MICU1: variants seen among roughly 807,000 people sequenced by gnomAD.
MICU1 encodes calcium uptake protein 1, mitochondrial.
Under a neutral mutation model 56.8 loss-of-function variants are expected in MICU1, and 45 were observed. The observed-to-expected ratio is 0.79, with a 90% CI of 0.62 to 1.02. The LOEUF (loss-of-function observed/expected upper bound fraction) is 1.02. Among genes scored for constraint, MICU1 ranks in the 50% least tolerant of loss-of-function variants. MICU1 has a pLI of 0.00. For synonymous variants in MICU1, 186 were observed against 195.1 expected, an observed-to-expected ratio of 0.95 and a Z score of 0.39; for missense variants, 504 against 587.1, an observed-to-expected ratio of 0.86 and a Z score of 1.46.
At chr10:72,415,038 CAG>C (rs1863940179) in intron 9 of MICU1, among the ~76,000 whole-genome samples, 1 of 127,924 alleles carries the variant, frequency 7.8e-6, no homozygotes, top group Admixed American at 9.0e-5. Context: ...TTTTTTGAGA[CAG>C]AGTCTCACTC....
At chr10:72,587,720 G>A (rs540742090) in intron 1 of MICU1, among the ~76,000 whole-genome samples, 1 of 151,984 alleles carries the variant, frequency 6.6e-6, no homozygotes, top group Non-Finnish European at 1.5e-5. Flanking sequence ...GGAGGCGGAG[G>A]TTGCAGTGAG....
intron 10 of MICU1, chr10:72,392,161 T>G (rs992417615): frequency 1.3e-5 from 2 of 152,204 alleles, no homozygotes; most frequent in African/African-American, 4.8e-5. Flanking sequence ...CATATGGGAC[T>G]TGAGCACCCA....
chr10:72,575,603 T>C (rs1157683631), intron 1 of MICU1, among the ~76,000 whole-genome samples: 1 of 152,202 alleles, frequency 6.6e-6, no homozygotes, highest in East Asian at 1.9e-4. Context: ...TTGGTAATTC[T>C]TGCAATATTT....
chr10:72,434,397 A>T (rs1431120005), intron 8 of MICU1, among the ~76,000 whole-genome samples: 5 of 152,136 alleles, frequency 3.3e-5, no homozygotes, highest in African/African-American at 1.2e-4. Flanking sequence ...TTAATATTCC[A>T]ACCAATCTAT....
At chr10:72,569,221 A>ATT (rs1840530007) in intron 1 of MICU1, among the ~76,000 whole-genome samples, 2 of 38,504 alleles carry the variant, frequency 5.2e-5, no homozygotes, top group South Asian at 8.4e-4. Context: ...ATATATATAT[A>ATT]TATATATATA....
At chr10:72,549,072 T>G (rs1417103810) in intron 4 of MICU1, among the ~76,000 whole-genome samples, 8 of 152,186 alleles carry the variant, frequency 5.3e-5, no homozygotes, top group African/African-American at 1.9e-4. Context: ...TTATTTGACC[T>G]AGAGATATGT....
At chr10:72,445,086 C>G (rs1865066109) in intron 8 of MICU1, among the ~76,000 whole-genome samples, 1 of 151,962 alleles carries the variant, frequency 6.6e-6, no homozygotes, top group Admixed American at 6.6e-5. Context: ...ATAAAGTTCT[C>G]AATAATATTC....
intron 3 of MICU1, among the ~76,000 whole-genome samples, chr10:72,556,348 T>C (rs1840158505): frequency 6.6e-6 from 1 of 152,180 alleles, no homozygotes; most frequent in South Asian, 2.1e-4. Flanking sequence ...ACATTCTTTT[T>C]TTTTCTTTTG....
chr10:72,407,872 A>C, intron 10 of MICU1, 57 bp downstream of exon 10: 34 of 1,141,690 alleles, frequency 3.0e-5, no homozygotes, highest in African/African-American at 4.6e-5. Flanking sequence ...CAGTCACCTA[A>C]GAGATTACAG....
At chr10:72,395,622 G>A (rs1035759539) in intron 10 of MICU1, among the ~76,000 whole-genome samples, 4 of 152,226 alleles carry the variant, frequency 2.6e-5, no homozygotes, top group African/African-American at 7.2e-5. Flanking sequence ...TAGGCAAGGT[G>A]ATTCTCTCCT....
intron 5 of MICU1, among the ~76,000 whole-genome samples, chr10:72,513,262 C>T (rs1867540633): frequency 6.6e-6 from 1 of 152,196 alleles, no homozygotes; most frequent in South Asian, 2.1e-4. Context: ...ATGGATATGA[C>T]ATGGTATCTC....
chr10:72,567,355 T>C (rs1840466983), intron 1 of MICU1, among the ~76,000 whole-genome samples: 1 of 151,858 alleles, frequency 6.6e-6, no homozygotes, highest in African/African-American at 2.4e-5. Context: ...AATAAAAAAT[T>C]ATTAGTTACA....
At chr10:72,620,962 C>T (rs1564516406) in intron 1 of MICU1, among the ~76,000 whole-genome samples, 2 of 152,104 alleles carry the variant, frequency 1.3e-5, no homozygotes. Flanking sequence ...GTGGCTCATG[C>T]CTGTAATCCC....
At chr10:72,535,424 T>C (rs1839608320) in intron 4 of MICU1, among the ~76,000 whole-genome samples, 1 of 152,044 alleles carries the variant, frequency 6.6e-6, no homozygotes, top group Non-Finnish European at 1.5e-5. Flanking sequence ...AAATAGAAAA[T>C]ATAAGATAGA....
chr10:72,477,368 G>C, intron 6 of MICU1, 112 bp from the exon 7 acceptor site: 1 of 1,159,216 alleles, frequency 8.6e-7, no homozygotes, highest in Non-Finnish European at 1.2e-6. Flanking sequence ...CACCATAAAA[G>C]TGACTGAGTC....
intron 1 of MICU1, among the ~76,000 whole-genome samples, chr10:72,568,917 C>T (rs1425083668): frequency 6.6e-6 from 1 of 150,784 alleles, no homozygotes; most frequent in African/African-American, 2.4e-5. Context: ...CCACACCTGG[C>T]TAATTTTTGT....
chr10:72,562,522 G>T (rs1040912920), intron 3 of MICU1, among the ~76,000 whole-genome samples: 3 of 152,134 alleles, frequency 2.0e-5, no homozygotes, highest in African/African-American at 7.2e-5. Context: ...TCTTCTAGAA[G>T]TTATGTTTCC....
intron 4 of MICU1, among the ~76,000 whole-genome samples, chr10:72,538,527 CTGTTA>C (rs1376759245): frequency 3.3e-5 from 5 of 152,022 alleles, no homozygotes; most frequent in Non-Finnish European, 5.9e-5. Flanking sequence ...TTGAAATAAT[CTGTTA>C]TAATTATGTT....
chr10:72,495,233 TAAA>T (rs34238664), intron 6 of MICU1, among the ~76,000 whole-genome samples: 14 of 145,450 alleles, frequency 9.6e-5, no homozygotes, highest in Non-Finnish European at 1.1e-4. Flanking sequence ...TTCAGAGATC[TAAA>T]AAAAAAAAAA....
Sources: allele counts gnomAD v4.1 joint callset (sites outside exome capture counted in the v4.1 genomes callset), GRCh38; gene constraint gnomAD v4.1.1; transcripts MANE v1.5; gene names NCBI Gene and HGNC (gene_info 2026-07-23, HGNC 2026-07-21).